LNPK: variants seen among roughly 807,000 people sequenced by gnomAD.
LNPK encodes the protein lunapark, ER junction formation factor, also known as endoplasmic reticulum junction formation protein lunapark.
A neutral mutation model predicts 55.2 loss-of-function variants in LNPK; 29 were observed. That is an observed-to-expected ratio of 0.53 (90% confidence interval 0.39 to 0.72). The LOEUF is 0.72. Among genes scored for constraint, LNPK ranks in the 30% least tolerant of loss-of-function variants. The pLI, the probability that LNPK is intolerant of heterozygous loss-of-function variation, is 0.00. For synonymous variants in LNPK, 162 were observed against 168.2 expected (o/e 0.96, Z 0.29); for missense variants, 467 against 494.8 (o/e 0.94, Z 0.53).
At chr2:175,956,728 C>T (rs1309923035) in intron 8 of LNPK, among the ~76,000 whole-genome samples, 1 of 152,162 alleles carries the variant, frequency 6.6e-6, no homozygotes, top group Non-Finnish European at 1.5e-5. Flanking sequence ...TCCATCACTA[C>T]CACTCATGTC....
intron 1 of LNPK, among the ~76,000 whole-genome samples, chr2:175,999,585 T>C (rs867265700): frequency 6.6e-6 from 1 of 152,198 alleles, no homozygotes; most frequent in African/African-American, 2.4e-5. Context: ...CGAATAACCT[T>C]TGCATTTCCT....
intron 8 of LNPK, among the ~76,000 whole-genome samples, chr2:175,949,558 C>G (rs945782383): frequency 6.6e-6 from 1 of 152,066 alleles, no homozygotes; most frequent in Admixed American, 6.6e-5. Context: ...TATCCTTCCT[C>G]TTCACGAAGA....
intron 4 of LNPK, among the ~76,000 whole-genome samples, chr2:175,985,822 C>G (rs189897196): frequency 6.6e-6 from 1 of 152,158 alleles, no homozygotes; most frequent in Non-Finnish European, 1.5e-5. Flanking sequence ...AATGTAGTCT[C>G]TCTCGAAAAA....
chr2:175,950,800 G>A (rs1379273153), intron 8 of LNPK, among the ~76,000 whole-genome samples: 1 of 151,992 alleles, frequency 6.6e-6, no homozygotes, highest in African/African-American at 2.4e-5. Context: ...AAAGAACTCA[G>A]CCAAAGCACA....
At chr2:175,974,533 A>G (rs963028899) in intron 5 of LNPK, among the ~76,000 whole-genome samples, 5 of 152,200 alleles carry the variant, frequency 3.3e-5, no homozygotes, top group African/African-American at 1.2e-4. Flanking sequence ...AAAAACTGAA[A>G]TTTGAATTTC....
intron 6 of LNPK, among the ~76,000 whole-genome samples, 180 bp downstream of exon 6, chr2:175,970,584 T>C: frequency 6.6e-6 from 1 of 152,170 alleles, no homozygotes; most frequent in Non-Finnish European, 1.5e-5. Flanking sequence ...CCTTCTAAAC[T>C]ACTTTTTCCT....
rs762602903 is a variant in LNPK, at chr2:176,002,243, C to A, written c.-146G>T. 8.9e-6 allele frequency: 4 copies of A among 451,160 alleles called. No individual in the cohort carries two copies. The highest frequency in any genetic ancestry group is 3.1e-5 in the South Asian group (2 of 63,982). The allele number at this position is 451,160 out of a possible 1,614,324, so 27.9% of individuals were successfully genotyped here. A position where few individuals can be genotyped will look rare whatever the true frequency, so the allele number is the denominator to read the frequency against. On this transcript the variant is annotated 5_prime_UTR_variant, in exon 1 of 13. Coordinates refer to ENST00000272748, the MANE Select transcript of LNPK (RefSeq NM_030650.3). ...CCGCCCAGCCTGCCTCCAGAGCAGG[C>A]AGCAGCCGCCACTGACAGAGAGACA...
chr2:175,976,860 T>G (rs752615133), intron 5 of LNPK, among the ~76,000 whole-genome samples: 1 of 152,206 alleles, frequency 6.6e-6, no homozygotes, highest in Non-Finnish European at 1.5e-5. Flanking sequence ...TAACTGCAGA[T>G]CCTGGGACTT....
Position 175,931,843 on chromosome 2 carries a change from A to G in LNPK, c.1055-1644T>C, listed in dbSNP as rs1159344350. 6.6e-5 allele frequency among the ~76,000 whole-genome samples: 10 copies of G among 152,304 alleles called. No homozygotes were observed. The South Asian group carries it at 1.9e-3, about 28-fold the overall frequency. On this transcript the variant is annotated intron_variant, in intron 12 of 12. Transcript: ENST00000272748. ...GGCATGTACAAATCATTTCTGCTACAAGGGCAAACAAGTTATCCGTGGAAA... is the reference window on the plus strand; with the variant it reads ...GGCATGTACAAATCATTTCTGCTACGAGGGCAAACAAGTTATCCGTGGAAA...
intron 3 of LNPK, 34 bp from the exon 4 acceptor site, chr2:175,992,452 T>G: frequency 1.6e-6 from 2 of 1,272,344 alleles, no homozygotes; most frequent in Admixed American, 2.9e-5. Context: ...GTTAGTAAAT[T>G]TCAAACTTCA....
intron 8 of LNPK, among the ~76,000 whole-genome samples, chr2:175,958,744 T>G (rs974191947): frequency 4.6e-5 from 7 of 152,130 alleles, no homozygotes; most frequent in African/African-American, 1.4e-4. Context: ...AGAAGAAGGC[T>G]TCAGAAGGTC....
chr2:175,984,504 C>T (rs2105697381), intron 4 of LNPK, among the ~76,000 whole-genome samples: 1 of 152,062 alleles, frequency 6.6e-6, no homozygotes, highest in East Asian at 1.9e-4. Context: ...ATGAAGAACT[C>T]TCAAAATTCA....
chr2:175,960,495 T>A (rs1230284967), intron 8 of LNPK, among the ~76,000 whole-genome samples: 2 of 152,014 alleles, frequency 1.3e-5, no homozygotes, highest in Non-Finnish European at 2.9e-5. Context: ...GAAATAAAGA[T>A]GTTCTTTGAA....
At chr2:175,945,100 C>T (rs1685057882) in intron 9 of LNPK, among the ~76,000 whole-genome samples, 5 of 151,632 alleles carry the variant, frequency 3.3e-5, no homozygotes, top group South Asian at 2.1e-4. Context: ...GGTTTCACCG[C>T]GTTAGTCAGG....
chr2:175,952,278 A>G (rs1401373091), intron 8 of LNPK, among the ~76,000 whole-genome samples: 1 of 151,912 alleles, frequency 6.6e-6, no homozygotes, highest in East Asian at 1.9e-4. Flanking sequence ...GGGTGGGGGA[A>G]TCTTTAAGCC....
At chr2:175,967,588 T>C in intron 6 of LNPK, 4 of 948,518 alleles carry the variant, frequency 4.2e-6, no homozygotes, top group Non-Finnish European at 5.0e-6. Flanking sequence ...TTGCATTAAC[T>C]TTGCAATTCA....
intron 4 of LNPK, 130 bp from the exon 5 acceptor site, chr2:175,979,998 A>G: frequency 1.2e-6 from 1 of 806,484 alleles, no homozygotes; most frequent in East Asian, 3.0e-5. Context: ...CAGAAAACTA[A>G]AAAGCGTTTA....
intron 5 of LNPK, 71 bp from the exon 6 acceptor site, chr2:175,970,875 G>A (rs964230458): frequency 5.1e-5 from 63 of 1,246,134 alleles, no homozygotes; most frequent in East Asian, 6.1e-5. Context: ...AATGACACAC[G>A]GTAGCAAACA....
chr2:175,954,134 C>T (rs555438643), intron 8 of LNPK, among the ~76,000 whole-genome samples: 6 of 152,234 alleles, frequency 3.9e-5, no homozygotes, highest in African/African-American at 9.6e-5. Context: ...TTGGTCCTTA[C>T]CATACCGTTT....
Sources: allele counts gnomAD v4.1 joint callset (sites outside exome capture counted in the v4.1 genomes callset), GRCh38; gene constraint gnomAD v4.1.1; transcripts MANE v1.5; gene names NCBI Gene and HGNC (gene_info 2026-07-23, HGNC 2026-07-21).